LOC400499: variants seen among roughly 807,000 people sequenced by gnomAD.
the LOC400499 span, chr16:11,392,147 A>G: frequency 2.3e-5 from 9 of 399,088 alleles, no homozygotes; most frequent in Non-Finnish European, 3.1e-5. Context: ...GGAATGAAGT[A>G]GACACAAGGT....
the LOC400499 span, chr16:11,439,453 G>A: frequency 1.3e-5 from 5 of 398,812 alleles, no homozygotes; most frequent in African/African-American, 4.1e-5. Flanking sequence ...CTTGGCAGGC[G>A]AGTCAAGGTC....
At chr16:11,492,433 A>C in the LOC400499 span, among the ~76,000 whole-genome samples, 1 of 152,068 alleles carries the variant, frequency 6.6e-6, no homozygotes, top group African/African-American at 2.4e-5. Flanking sequence ...GTCCACCTGA[A>C]GCTGGTATCC....
the LOC400499 span, among the ~76,000 whole-genome samples, chr16:11,520,151 C>G: frequency 6.6e-6 from 1 of 152,072 alleles, no homozygotes; most frequent in East Asian, 1.9e-4. Flanking sequence ...TGAAAAAGTT[C>G]TAGAGATGGA....
At chr16:11,397,192 A>AC in the LOC400499 span, among the ~76,000 whole-genome samples, 5 of 152,332 alleles carry the variant, frequency 3.3e-5, no homozygotes, top group South Asian at 6.2e-4. Context: ...TGAAACACAC[A>AC]AATGTTTTCT....
chr16:11,428,437 G>A, the LOC400499 span, among the ~76,000 whole-genome samples: 1 of 152,158 alleles, frequency 6.6e-6, no homozygotes, highest in Non-Finnish European at 1.5e-5. Context: ...ACCTCCCAAA[G>A]TGTTGAGATT....
the LOC400499 span, among the ~76,000 whole-genome samples, chr16:11,437,249 T>C: frequency 1.3e-5 from 2 of 152,126 alleles, no homozygotes; most frequent in African/African-American, 4.8e-5. Context: ...ATCCATTACG[T>C]TGTATCAATC....
chr16:11,396,702 G>A, the LOC400499 span: 15 of 1,231,768 alleles, frequency 1.2e-5, no homozygotes, highest in South Asian at 8.2e-5. Flanking sequence ...TAGGTGTCAG[G>A]CAGGCACAGG....
At chr16:11,409,814 A>G in the LOC400499 span, among the ~76,000 whole-genome samples, 2 of 152,232 alleles carry the variant, frequency 1.3e-5, no homozygotes, top group African/African-American at 4.8e-5. Flanking sequence ...GTCTTCAGAA[A>G]CGTCTCTATA....
the LOC400499 span, among the ~76,000 whole-genome samples, chr16:11,400,356 G>A: frequency 5.9e-5 from 9 of 151,930 alleles, no homozygotes; most frequent in South Asian, 2.1e-4. Context: ...TCCCGGGGCC[G>A]CCTCCCCCAT....
chr16:11,458,863 C>T, the LOC400499 span, among the ~76,000 whole-genome samples: 8 of 151,730 alleles, frequency 5.3e-5, no homozygotes, highest in African/African-American at 1.5e-4. Flanking sequence ...GGAGAAATCC[C>T]GTCTCTACTA....
the LOC400499 span, among the ~76,000 whole-genome samples, chr16:11,452,546 G>A: frequency 6.6e-6 from 1 of 152,252 alleles, no homozygotes; most frequent in South Asian, 2.1e-4. Flanking sequence ...CCCTCAAAGT[G>A]AATGGGGATG....
the LOC400499 span, chr16:11,440,773 T>C: frequency 4.9e-4 from 197 of 399,016 alleles, 1 homozygote; most frequent in African/African-American, 2.9e-3. Flanking sequence ...CATGCCAAAG[T>C]TGAATGTTCC....
chr16:11,474,115 T>A, the LOC400499 span, among the ~76,000 whole-genome samples: 2 of 152,326 alleles, frequency 1.3e-5, no homozygotes, highest in East Asian at 3.9e-4. Flanking sequence ...CACCTCGGCC[T>A]CCCGAAGTGT....
At chr16:11,384,995 G>A in the LOC400499 span, 13 of 1,232,256 alleles carry the variant, frequency 1.1e-5, no homozygotes, top group Non-Finnish European at 1.3e-5. Context: ...GTCCTTCCTT[G>A]TCGTGGCAGG....
chr16:11,400,502 G>A, the LOC400499 span, among the ~76,000 whole-genome samples: 7 of 150,952 alleles, frequency 4.6e-5, no homozygotes, highest in African/African-American at 1.5e-4. Context: ...GTGCAGTGGC[G>A]TGATCTTGGC....
chr16:11,421,989 C>A, the LOC400499 span, among the ~76,000 whole-genome samples: 2 of 152,204 alleles, frequency 1.3e-5, no homozygotes. Flanking sequence ...GGGTTTGAGA[C>A]GTGGCAAACA....
At chr16:11,395,258 A>C in the LOC400499 span, among the ~76,000 whole-genome samples, 15 of 152,310 alleles carry the variant, frequency 9.8e-5, no homozygotes, top group Admixed American at 9.8e-4. Context: ...TCCTGGGGCC[A>C]CTGGGTTGGG....
At chr16:11,424,185 A>T in the LOC400499 span, 1 of 399,204 alleles carries the variant, frequency 2.5e-6, no homozygotes, top group East Asian at 3.6e-5. Flanking sequence ...GGTGTGACGG[A>T]GGCTGGCATG....
chr16:11,384,904 CAGAGTCAGGCTGCAGAGGCCG>C, the LOC400499 span: 2 of 1,232,292 alleles, frequency 1.6e-6, no homozygotes, highest in African/African-American at 3.1e-5. Context: ...GCCAGAGGCC[CAGAGTCAGGCTGCAGAGGCCG>C]GTGGGCACGT....
Sources: gnomAD v4.1 joint callset for allele counts (sites outside exome capture counted in the v4.1 genomes callset) on GRCh38, gnomAD v4.1.1 for gene constraint, MANE v1.5 for transcripts.